The following SMCHD1 variants were observed in gnomAD, a reference collection of about 807,000 sequenced individuals.
SMCHD1 encodes structural maintenance of chromosomes flexible hinge domain-containing protein 1.
Under a neutral mutation model 254.7 loss-of-function variants are expected in SMCHD1, and 78 were observed. The observed-to-expected ratio is 0.31, with a 90% CI of 0.26 to 0.37. The LOEUF (loss-of-function observed/expected upper bound fraction) is 0.37, where lower values mean the gene tolerates loss of function less well. SMCHD1 is among the 10% of genes least tolerant of loss of function. SMCHD1 has a pLI of 1.00. For missense variants in SMCHD1, 1,840 were observed against 2,408.1 expected, an observed-to-expected ratio of 0.76 and a Z score of 4.94; for synonymous variants, 766 against 794.9, an observed-to-expected ratio of 0.96 and a Z score of 0.61.
intron 14 of SMCHD1, 101 bp downstream of exon 14, chr18:2,705,908 G>A (rs2074503115): frequency 1.6e-6 from 1 of 627,710 alleles, no homozygotes; most frequent in Non-Finnish European, 2.7e-6. Flanking sequence ...TTTTCCATTG[G>A]ATAAAGTGGT....
At position 2,700,775 on chromosome 18, in the gene SMCHD1, C is replaced by T. The variant is rs1355109257; in HGVS notation, c.1504C>T (p.Pro502Ser). The change falls in exon 12 of 48, where the codon CCA (proline) becomes TCA (serine). Residue 502 changes from proline to serine, a missense_variant. Physicochemically the swap from Pro to Ser is moderately conservative, Grantham distance 74. This residue lies in a region of SMCHD1 where 498 missense variants were observed against 743.5 expected (regional missense o/e 0.67). Coordinates refer to ENST00000320876, the MANE Select transcript of SMCHD1 (RefSeq NM_015295.3). ...CTPPKKRGLA[P>S]IECYNRISGA... ...TCCTCCTAAGAAGAGAGGGCTTGCACCAATTGAATGCTACAATAGGATATC... is the reference window on the plus strand; with the variant it reads ...TCCTCCTAAGAAGAGAGGGCTTGCATCAATTGAATGCTACAATAGGATATC... 6.2e-7 allele frequency: 1 copy of T among 1,612,910 alleles called. No homozygotes were observed. The highest frequency in any genetic ancestry group is 2.2e-5 in the East Asian group (1 of 44,824).
chr18:2,723,239 G>A (rs1036628153), intron 20 of SMCHD1, among the ~76,000 whole-genome samples: 3 of 152,038 alleles, frequency 2.0e-5, no homozygotes, highest in Non-Finnish European at 4.4e-5. Flanking sequence ...ATGTAATACC[G>A]TTTTCACTGA....
Position 2,770,471 on chromosome 18 carries a change from G to T in SMCHD1, c.4966+363G>T, listed in dbSNP as rs998872437. Among the ~76,000 whole-genome samples, 3 of 152,128 alleles carry T rather than the reference G, an allele frequency of 2.0e-5. No homozygotes were observed. In the South Asian group the frequency reaches 6.2e-4, roughly 32 times the overall value. On this transcript the variant is annotated intron_variant, in intron 39 of 47. Transcript: ENST00000320876. ...ATGTGTAATGTAATTTTTCATTTGG[G>T]TAATGAGCTGTTTGTATTTTACTTC...
intron 34 of SMCHD1, among the ~76,000 whole-genome samples, chr18:2,756,618 CAG>C (rs1472955467): frequency 6.6e-6 from 1 of 151,912 alleles, no homozygotes; most frequent in Non-Finnish European, 1.5e-5. Context: ...TTTTCTGAGA[CAG>C]AGTCTCGCTC....
chr18:2,669,967 A>G (rs1445036559), intron 3 of SMCHD1, among the ~76,000 whole-genome samples: 1 of 152,174 alleles, frequency 6.6e-6, no homozygotes, highest in African/African-American at 2.4e-5. Context: ...TAAAATGACC[A>G]TTTCTCACCA....
chr18:2,722,310 CACCT>C (rs1051026043), intron 19 of SMCHD1, among the ~76,000 whole-genome samples: 3 of 152,098 alleles, frequency 2.0e-5, no homozygotes, highest in African/African-American at 7.2e-5. Context: ...TGGTGGTACA[CACCT>C]GTAGTCCCAG....
chr18:2,688,322 C>A, intron 5 of SMCHD1, 72 bp from the exon 6 acceptor site: 1 of 1,020,702 alleles, frequency 9.8e-7, no homozygotes, highest in Non-Finnish European at 1.5e-6. Flanking sequence ...ACACTGAATA[C>A]AAGTGCAATG....
At position 2,659,109 on chromosome 18, in the gene SMCHD1, A is replaced by G. The variant is rs534024205; in HGVS notation, c.186+2848A>G. The stretch of plus-strand genomic sequence containing the variant: ...CAGGCAGTATTATGGGTGATCCTAA[A>G]CTGTTACTTATTTATTTATTTTTTT... On this transcript the variant is annotated intron_variant, in intron 1 of 47. Transcript: ENST00000320876. Among the ~76,000 whole-genome samples, 97 of 152,114 alleles carry G rather than the reference A, an allele frequency of 6.4e-4. 4 individuals carry two copies. The South Asian group carries it at 0.017, about 27-fold the overall frequency.
At chr18:2,666,063 T>A (rs968017437) in intron 1 of SMCHD1, 94 bp from the exon 2 acceptor site, 4 of 618,628 alleles carry the variant, frequency 6.5e-6, no homozygotes, top group South Asian at 4.7e-5. Flanking sequence ...TACAGAATTA[T>A]AATGTACTAT....
At chr18:2,667,663 T>C (rs2073476634) in intron 3 of SMCHD1, among the ~76,000 whole-genome samples, 1 of 152,224 alleles carries the variant, frequency 6.6e-6, no homozygotes, top group African/African-American at 2.4e-5. Flanking sequence ...AAATAGAACA[T>C]AAAGAATATC....
In SMCHD1 at chr18:2,674,141, G is replaced by A; in HGVS notation, c.634G>A (p.Glu212Lys). ...AAAATTCACAAGGCAAGGTGACTTT[G>A]AAAGGTTAGAAAACCTTACTTTTTT... Reference protein sequence around the residue: ...LSKFTRQGDFESDHSGYVRPV... With the variant: ...LSKFTRQGDFKSDHSGYVRPV... The change falls in exon 5 of 48, where the codon GAA (glutamate) becomes AAA (lysine). Residue 212 changes from glutamate (E) to lysine (K), a missense_variant. Glu to Lys is a moderately conservative substitution (Grantham distance 56). Transcript: ENST00000320876. 6.4e-7 allele frequency: 1 copy of A among 1,572,104 alleles called. No individual in the cohort carries two copies. The highest frequency in any genetic ancestry group is 8.6e-7 in the Non-Finnish European group (1 of 1,164,338).
At position 2,777,929 on chromosome 18, in the gene SMCHD1, T is replaced by C. The variant is rs1221916813; in HGVS notation, c.5476+14T>C. The C allele has an allele frequency of 7.0e-7, 1 of 1,438,254 alleles. No homozygotes were observed. The highest frequency in any genetic ancestry group is 9.4e-7 in the Non-Finnish European group (1 of 1,058,814). 89.1% of individuals were successfully genotyped at this position (1,438,254 alleles called of 1,614,324 possible). On this transcript the variant is annotated intron_variant, in intron 43 of 47. Transcript: ENST00000320876. ...ATTGTGAAACAGGTAAAAGACATTATGGTGACTTTACTTTTGTACAGATGT... is the reference window on the plus strand; with the variant it reads ...ATTGTGAAACAGGTAAAAGACATTACGGTGACTTTACTTTTGTACAGATGT...
intron 5 of SMCHD1, among the ~76,000 whole-genome samples, chr18:2,677,493 T>C (rs2073779883): frequency 6.6e-6 from 1 of 152,222 alleles, no homozygotes; most frequent in Non-Finnish European, 1.5e-5. Flanking sequence ...AAGCATACTG[T>C]TCAGTAGTTT....
rs574683131 is a variant in SMCHD1, at chr18:2,702,814, C to T, written c.1648-878C>T. 1.5e-3 allele frequency among the ~76,000 whole-genome samples: 225 copies of T among 152,288 alleles called. 1 individual carries two copies. The highest frequency in any genetic ancestry group is 5.6e-3 in the South Asian group (27 of 4,832). On this transcript the variant is annotated intron_variant, in intron 12 of 47. Coordinates refer to ENST00000320876, the MANE Select transcript of SMCHD1 (RefSeq NM_015295.3). ...TGAAATTATTTTTAATTTTGCCTTA[C>T]TTTCCTTTGGAAATGGTATATTATG...
chr18:2,673,501 T>A, intron 4 of SMCHD1, 138 bp downstream of exon 4: 1 of 673,836 alleles, frequency 1.5e-6, no homozygotes, highest in East Asian at 3.0e-5. Context: ...ATTGTTAAAA[T>A]TTTTTCACGT....
At chr18:2,669,977 A>G (rs967869065) in intron 3 of SMCHD1, among the ~76,000 whole-genome samples, 4 of 152,086 alleles carry the variant, frequency 2.6e-5, no homozygotes, top group Non-Finnish European at 4.4e-5. Flanking sequence ...ATTTCTCACC[A>G]TTTCTATTGC....
At chr18:2,697,360 A>G (rs2074306699) in intron 9 of SMCHD1, 1 of 358,204 alleles carries the variant, frequency 2.8e-6, no homozygotes, top group South Asian at 4.2e-5. Flanking sequence ...CTGTGGAGCT[A>G]TGCATTGTTA....
intron 45 of SMCHD1, among the ~76,000 whole-genome samples, chr18:2,789,019 G>A (rs1052762034): frequency 1.0e-5 from 1 of 97,000 alleles, no homozygotes; most frequent in Non-Finnish European, 2.5e-5. Context: ...TTCTTTTTTT[G>A]TTTGTTTGTT....
At chr18:2,667,286 A>G (rs2073466621) in intron 3 of SMCHD1, among the ~76,000 whole-genome samples, 1 of 152,194 alleles carries the variant, frequency 6.6e-6, no homozygotes, top group Non-Finnish European at 1.5e-5. Context: ...GTCTTGACCT[A>G]TACAGCTTTC....
Sources: allele counts gnomAD v4.1 joint callset (sites outside exome capture counted in the v4.1 genomes callset), GRCh38; gene constraint gnomAD v4.1.1; regional missense constraint gnomAD v4.1.1; transcripts MANE v1.5; gene names NCBI Gene and HGNC (gene_info 2026-07-23, HGNC 2026-07-21).